CENPW: variants seen among roughly 807,000 people sequenced by gnomAD.
The protein encoded by CENPW is centromere protein W, also known as cancer-up-regulated gene 2 protein.
In CENPW, 3 loss-of-function variants were observed where a neutral mutation model predicts 11.1. The ratio of observed to expected loss-of-function variants is 0.27; its 90% CI spans 0.12 to 0.70. The LOEUF is 0.70. Ranked by LOEUF, CENPW falls within the 30% of genes least tolerant of loss-of-function variation. The pLI is 0.77. For missense variants in CENPW, 100 were observed against 105.6 expected, an observed-to-expected ratio of 0.95 and a Z score of 0.23; for synonymous variants, 38 against 42.0, an observed-to-expected ratio of 0.91 and a Z score of 0.37.
At chr6:126,402,916 G>T in the CENPW span, among the ~76,000 whole-genome samples, 2 of 152,012 alleles carry the variant, frequency 1.3e-5, no homozygotes, top group African/African-American at 4.8e-5. Context: ...TGGCAACCCT[G>T]TGTGGAGCAA....
chr6:126,407,689 TGTG>T, the CENPW span, among the ~76,000 whole-genome samples: 1 of 152,224 alleles, frequency 6.6e-6, no homozygotes, highest in South Asian at 2.1e-4. Flanking sequence ...TGATCAGTGA[TGTG>T]GAGCTTTTTT....
At chr6:126,373,528 G>A in the CENPW span, among the ~76,000 whole-genome samples, 1 of 152,342 alleles carries the variant, frequency 6.6e-6, no homozygotes, top group South Asian at 2.1e-4. Context: ...TCTGTGGACT[G>A]GCTGGGGCTC....
At chr6:126,350,295 T>A (rs1780476080), downstream of CENPW, among the ~76,000 whole-genome samples, 1 of 152,050 alleles carries the variant, frequency 6.6e-6, no homozygotes, top group African/African-American at 2.4e-5. Flanking sequence ...TAACATAAAT[T>A]TTTTTCTCAC....
At chr6:126,463,187 A>T in the CENPW span, among the ~76,000 whole-genome samples, 1 of 152,010 alleles carries the variant, frequency 6.6e-6, no homozygotes, top group Admixed American at 6.6e-5. Context: ...ACATTATTCT[A>T]TGTGGGAGTG....
chr6:126,344,861 G>A (rs1780379388), intron 1 of CENPW, among the ~76,000 whole-genome samples: 1 of 152,168 alleles, frequency 6.6e-6, no homozygotes, highest in African/African-American at 2.4e-5. Flanking sequence ...GTGGGAGAGT[G>A]TGCAGTACAC....
the CENPW span, among the ~76,000 whole-genome samples, chr6:126,430,643 T>C: frequency 6.6e-6 from 1 of 152,132 alleles, no homozygotes; most frequent in Non-Finnish European, 1.5e-5. Context: ...AGGTCGGTTG[T>C]TATCTATAAA....
At chr6:126,408,935 T>G in the CENPW span, among the ~76,000 whole-genome samples, 1 of 151,804 alleles carries the variant, frequency 6.6e-6, no homozygotes, top group Non-Finnish European at 1.5e-5. Context: ...TTTCTTGATC[T>G]TTTTTTTAGT....
At chr6:126,405,899 G>T in the CENPW span, among the ~76,000 whole-genome samples, 1 of 151,782 alleles carries the variant, frequency 6.6e-6, no homozygotes, top group Non-Finnish European at 1.5e-5. Flanking sequence ...TGTGGGGGGG[G>T]TCTTTAGATT....
chr6:126,437,472 G>C, the CENPW span, among the ~76,000 whole-genome samples: 1 of 151,836 alleles, frequency 6.6e-6, no homozygotes. Flanking sequence ...TTGGCTCCTT[G>C]GTTGGTGGAA....
the CENPW span, among the ~76,000 whole-genome samples, chr6:126,374,228 G>A: frequency 2.6e-5 from 4 of 152,292 alleles, no homozygotes; most frequent in African/African-American, 9.6e-5. Flanking sequence ...AGTATTGCTA[G>A]TGTCACTTAC....
the CENPW span, among the ~76,000 whole-genome samples, chr6:126,455,373 T>C: frequency 6.6e-6 from 1 of 150,884 alleles, no homozygotes; most frequent in African/African-American, 2.4e-5. Flanking sequence ...ATCAAGTAGG[T>C]GGATTTGCGT....
chr6:126,361,386 G>A, the CENPW span, among the ~76,000 whole-genome samples: 11 of 151,984 alleles, frequency 7.2e-5, no homozygotes, highest in Admixed American at 5.9e-4. Flanking sequence ...TGCAAGCTCC[G>A]CCTCCTGGGT....
At chr6:126,463,775 C>T in the CENPW span, among the ~76,000 whole-genome samples, 6 of 151,978 alleles carry the variant, frequency 3.9e-5, no homozygotes, top group African/African-American at 1.4e-4. Flanking sequence ...TAGCCCTATA[C>T]CTATTACACA....
the CENPW span, among the ~76,000 whole-genome samples, chr6:126,410,012 G>A: frequency 2.6e-5 from 4 of 151,492 alleles, no homozygotes; most frequent in South Asian, 2.1e-4. Context: ...TTTTATCATC[G>A]TGATATGGTG....
At chr6:126,445,694 A>G in the CENPW span, among the ~76,000 whole-genome samples, 6 of 151,166 alleles carry the variant, frequency 4.0e-5, no homozygotes, top group South Asian at 8.3e-4. Flanking sequence ...AATATATAAT[A>G]CATATCTATG....
chr6:126,449,324 T>C, the CENPW span, among the ~76,000 whole-genome samples: 3 of 151,102 alleles, frequency 2.0e-5, no homozygotes, highest in Non-Finnish European at 4.5e-5. Context: ...CACTAAATTT[T>C]TAGCCTCTAG....
chr6:126,380,900 T>G, the CENPW span, among the ~76,000 whole-genome samples: 1 of 152,226 alleles, frequency 6.6e-6, no homozygotes, highest in Admixed American at 6.5e-5. Context: ...TGATCGAACT[T>G]TAGCCAGGAT....
At chr6:126,405,404 A>G in the CENPW span, among the ~76,000 whole-genome samples, 1 of 151,878 alleles carries the variant, frequency 6.6e-6, no homozygotes, top group African/African-American at 2.4e-5. Flanking sequence ...TTTGGTTGCT[A>G]TAGTTTTGTG....
At chr6:126,360,707 A>G in the CENPW span, among the ~76,000 whole-genome samples, 72 of 151,490 alleles carry the variant, frequency 4.8e-4, no homozygotes, top group African/African-American at 1.5e-3. Flanking sequence ...AACTTGGTCT[A>G]TTCTGCTGCT....
Sources: gnomAD v4.1 joint callset for allele counts (sites outside exome capture counted in the v4.1 genomes callset) on GRCh38, gnomAD v4.1.1 for gene constraint, MANE v1.5 for transcripts, NCBI Gene and HGNC (gene_info 2026-07-23, HGNC 2026-07-21) for gene names.